Variants in RLF observed in about 807,000 individuals in gnomAD.
The protein encoded by RLF is RLF zinc finger, also known as zinc finger protein Rlf.
RLF carries 7 observed loss-of-function variants against 162.9 expected under a neutral mutation model. The ratio of observed to expected loss-of-function variants is 0.04; its 90% confidence interval spans 0.02 to 0.08. The LOEUF is 0.08. RLF is among the 10% of genes least tolerant of loss of function. The pLI, the probability that RLF is intolerant of heterozygous loss-of-function variation, is 1.00. For synonymous variants in RLF, 782 were observed against 791.5 expected, an observed-to-expected ratio of 0.99 and a Z score of 0.20; for missense variants, 1,664 against 2,244.7, an observed-to-expected ratio of 0.74 and a Z score of 5.23.
chr1:40,195,772 T>C lies in RLF; in HGVS notation c.607+8T>C. The stretch of plus-strand genomic sequence containing the variant: ...CAGTAGAAACGGAGGAAGGTAAGTC[T>C]TAAGACTATATTGGATGAGGATTTA... On this transcript the variant is annotated splice_region_variant and intron_variant, in intron 4 of 7. Transcript: ENST00000372771. 1.9e-6 allele frequency: 3 copies of C among 1,609,578 alleles called. No individual in the cohort carries two copies. The highest frequency in any genetic ancestry group is 2.5e-6 in the Non-Finnish European group (3 of 1,178,380).
At position 40,200,749 on chromosome 1, in the gene RLF, A is replaced by ATT. The variant is rs1307651169; in HGVS notation, c.608-1662_608-1661dup. ...TTTTTCTGTCCTTTTGAAATCTGTG[A>ATT]TTATATATATATATATGTTTTTCTT... On this transcript the variant is annotated intron_variant, in intron 4 of 7. Transcript: ENST00000372771. Among the ~76,000 whole-genome samples the ATT allele has an allele frequency of 8.9e-5, 13 of 145,694 alleles. No homozygotes were observed. In the South Asian group the frequency reaches 1.3e-3, roughly 14 times the overall value.
At chr1:40,204,068 TG>T (rs1475571144) in intron 5 of RLF, among the ~76,000 whole-genome samples, 1 of 150,660 alleles carries the variant, frequency 6.6e-6, no homozygotes, top group Non-Finnish European at 1.5e-5. Flanking sequence ...AGTCTCGCTC[TG>T]TTGCCCAGGC....
chr1:40,232,307 G>T (rs1643162747), intron 7 of RLF, among the ~76,000 whole-genome samples: 1 of 149,462 alleles, frequency 6.7e-6, no homozygotes, highest in African/African-American at 2.5e-5. Flanking sequence ...ATTTTGTTTT[G>T]TTTAAATCTT....
intron 5 of RLF, among the ~76,000 whole-genome samples, chr1:40,204,469 C>T (rs1014596300): frequency 2.6e-5 from 4 of 152,138 alleles, no homozygotes; most frequent in Non-Finnish European, 4.4e-5. Flanking sequence ...AGTGTGGTGG[C>T]GCACACTGCT....
Position 40,179,884 on chromosome 1 carries a change from A to T in RLF, c.238-9171A>T, listed in dbSNP as rs879326503. 2.3e-4 allele frequency among the ~76,000 whole-genome samples: 35 copies of T among 152,206 alleles called. 1 individual carries two copies. The highest frequency in any genetic ancestry group is 2.3e-3 in the Admixed American group (35 of 15,278). On this transcript the variant is annotated intron_variant, in intron 1 of 7. Transcript: ENST00000372771. The stretch of plus-strand genomic sequence containing the variant: ...TTGTGACTGCCATATTTCACTTAAT[A>T]TAGTGTCCTCAAGATATATCATGTT...
At chr1:40,201,625 C>A (rs1392859185) in intron 4 of RLF, among the ~76,000 whole-genome samples, 28 of 91,488 alleles carry the variant, frequency 3.1e-4, no homozygotes, top group African/African-American at 4.3e-4. Context: ...GACTTCATCT[C>A]AAAAAAAAAA....
chr1:40,190,351 T>A (rs937843875), intron 2 of RLF, among the ~76,000 whole-genome samples: 1 of 152,230 alleles, frequency 6.6e-6, no homozygotes, highest in African/African-American at 2.4e-5. Flanking sequence ...CTGCTTCCTC[T>A]GCAAGTGACA....
At chr1:40,164,850 G>T (rs570445275) in intron 1 of RLF, among the ~76,000 whole-genome samples, 1 of 152,148 alleles carries the variant, frequency 6.6e-6, no homozygotes, top group South Asian at 2.1e-4. Context: ...ACACTTTTAG[G>T]TTCAAGACTA....
chr1:40,229,745 G>A (rs1047414314), intron 6 of RLF, among the ~76,000 whole-genome samples: 2 of 151,590 alleles, frequency 1.3e-5, no homozygotes, highest in Non-Finnish European at 2.9e-5. Flanking sequence ...GAGACACCAC[G>A]CCCGGCCAGT....
At chr1:40,177,438 C>T (rs564940593) in intron 1 of RLF, among the ~76,000 whole-genome samples, 219 of 151,952 alleles carry the variant, frequency 1.4e-3, no homozygotes, top group East Asian at 2.3e-3. Flanking sequence ...TACAGGCGCC[C>T]GCCACCACGC....
intron 3 of RLF, among the ~76,000 whole-genome samples, chr1:40,194,456 G>A (rs1481955445): frequency 2.0e-5 from 3 of 151,818 alleles, no homozygotes; most frequent in Non-Finnish European, 4.4e-5. Context: ...CAGGACCAAC[G>A]TGGCAAAACC....
chr1:40,174,726 A>G (rs1032713185), intron 1 of RLF, among the ~76,000 whole-genome samples: 11 of 152,242 alleles, frequency 7.2e-5, no homozygotes, highest in Non-Finnish European at 1.6e-4. Context: ...AAGTATTAAT[A>G]TTATATTCCT....
At chr1:40,172,734 C>G (rs1570515172) in intron 1 of RLF, among the ~76,000 whole-genome samples, 1 of 152,306 alleles carries the variant, frequency 6.6e-6, no homozygotes, top group East Asian at 1.9e-4. Flanking sequence ...TCACTGCACT[C>G]TATCCTGGGC....
intron 6 of RLF, among the ~76,000 whole-genome samples, chr1:40,226,920 A>C (rs1643085997): frequency 6.6e-6 from 1 of 152,184 alleles, no homozygotes; most frequent in Non-Finnish European, 1.5e-5. Context: ...GCTGCAGTGC[A>C]ATGGTGCAGT....
chr1:40,200,738 T>A (rs1454330338), intron 4 of RLF, among the ~76,000 whole-genome samples: 1 of 149,970 alleles, frequency 6.7e-6, no homozygotes, highest in Non-Finnish European at 1.5e-5. Flanking sequence ...TCTGTCCTTT[T>A]GAAATCTGTG....
At chr1:40,222,440 C>G in intron 5 of RLF, 134 bp from the exon 6 acceptor site, 1 of 697,312 alleles carries the variant, frequency 1.4e-6, no homozygotes, top group Non-Finnish European at 2.4e-6. Flanking sequence ...AATATTCATG[C>G]AAGAAGACTC....
chr1:40,216,859 C>T (rs559579335), intron 5 of RLF, among the ~76,000 whole-genome samples: 1 of 152,200 alleles, frequency 6.6e-6, no homozygotes, highest in East Asian at 1.9e-4. Flanking sequence ...CGAGTCCAGC[C>T]TGGACAACAT....
rs140868941 is a variant in RLF, at chr1:40,237,690, T to C, written c.2988T>C (p.Ser996=). The change falls in exon 8 of 8, where the codon TCT becomes TCC. Residue 996 remains serine (S), a synonymous_variant. Coordinates refer to ENST00000372771, the MANE Select transcript of RLF (RefSeq NM_012421.4). The surrounding 1 kb of genome is among the most constrained non-coding windows in gnomAD (Gnocchi z 4.4). ...KKIKTKDLFP[S]LGNEHNQTTE... is the part of the protein sequence containing the mutation. ...TAAAGACGAAAGATCTGTTTCCCTC[T>C]TTGGGTAATGAACATAATCAGACAA... 6.9e-4 allele frequency: 1,119 copies of C among 1,614,022 alleles called. No individual in the cohort carries two copies. Among genetic ancestry groups the C allele is most frequent in the Non-Finnish European group, 8.5e-4 (1,001 of 1,180,006 alleles).
chr1:40,202,316 TA>T, intron 4 of RLF, 95 bp from the exon 5 acceptor site: 1 of 785,578 alleles, frequency 1.3e-6, no homozygotes, highest in Non-Finnish European at 2.0e-6. Context: ...TTTTATTAAC[TA>T]AAAATCAAAT....
Sources: gnomAD v4.1 joint callset for allele counts (sites outside exome capture counted in the v4.1 genomes callset) on GRCh38, gnomAD v4.1.1 for gene constraint, Gnocchi (gnomAD v3.1) non-coding constraint, MANE v1.5 for transcripts, NCBI Gene and HGNC (gene_info 2026-07-23, HGNC 2026-07-21) for gene names.